ZNF609: variants seen among roughly 807,000 people sequenced by gnomAD.
ZNF609 encodes the protein zinc finger protein 609.
A neutral mutation model predicts 109.5 loss-of-function variants in ZNF609; 11 were observed. That is an observed-to-expected ratio of 0.10 (90% CI 0.06 to 0.17). ZNF609 has a LOEUF of 0.17. Ranked by LOEUF, ZNF609 falls within the 10% of genes least tolerant of loss-of-function variation. The probability of loss-of-function intolerance (pLI) is 1.00; values close to 1 mark genes in which losing one functional copy is unlikely to be tolerated. For missense variants in ZNF609, 1,559 were observed against 1,772.4 expected (o/e 0.88, Z 2.16); for synonymous variants, 646 against 662.0 (o/e 0.98, Z 0.37).
At chr15:64,605,878 C>T (rs1358619333) in intron 2 of ZNF609, among the ~76,000 whole-genome samples, 11 of 142,236 alleles carry the variant, frequency 7.7e-5, no homozygotes, top group Non-Finnish European at 1.2e-4. Context: ...GGATTACAGG[C>T]GCCTGCCACC....
chr15:64,648,736 A>C (rs12595288), intron 3 of ZNF609, among the ~76,000 whole-genome samples: 1 of 136,714 alleles, frequency 7.3e-6, no homozygotes, highest in Non-Finnish European at 1.5e-5. Flanking sequence ...TCTGACCACC[A>C]CCACATACCA....
chr15:64,621,533 T>C (rs915478896), intron 2 of ZNF609, among the ~76,000 whole-genome samples: 7 of 152,066 alleles, frequency 4.6e-5, no homozygotes, highest in African/African-American at 7.2e-5. Context: ...TATTTTTGTT[T>C]TTTATAGAGG....
At chr15:64,486,155 TATATA>T in intron 1 of ZNF609, among the ~76,000 whole-genome samples, 1 of 152,184 alleles carries the variant, frequency 6.6e-6, no homozygotes, top group Non-Finnish European at 1.5e-5. Context: ...ATTGGTACAT[TATATA>T]ATAACCTGTT....
chr15:64,678,364 A>G lies in ZNF609; in HGVS notation c.3651A>G (p.Pro1217=). The change falls in exon 6 of 10, where the codon CCA becomes CCG. Residue 1217 remains proline, a synonymous_variant. Transcript: ENST00000326648. ...RPSVHVPVSS[P]LTQHQSYIPY... is the part of the protein sequence containing the mutation. ...GTGTCCATGTGCCTGTGTCCTCCCC[A>G]CTTACCCAGCACCAGTCCTACATCC... 6.2e-7 allele frequency: 1 copy of G among 1,614,018 alleles called. No homozygotes were observed. The highest frequency in any genetic ancestry group is 8.5e-7 in the Non-Finnish European group (1 of 1,179,984).
chr15:64,543,862 A>G (rs564376320), intron 2 of ZNF609, among the ~76,000 whole-genome samples: 90 of 152,344 alleles, frequency 5.9e-4, no homozygotes, highest in Middle Eastern at 3.4e-3. Flanking sequence ...TTATCACACC[A>G]TACAATATGA....
chr15:64,563,755 C>G (rs1396382436), intron 2 of ZNF609, among the ~76,000 whole-genome samples: 11 of 151,710 alleles, frequency 7.3e-5, no homozygotes, highest in Admixed American at 7.2e-4. Flanking sequence ...GCCTGGGCAA[C>G]GAGAGCGAAA....
chr15:64,619,293 C>T (rs1178536108), intron 2 of ZNF609, among the ~76,000 whole-genome samples: 1 of 152,216 alleles, frequency 6.6e-6, no homozygotes, highest in African/African-American at 2.4e-5. Context: ...AGCCATTGCA[C>T]CCAGCCCCCT....
intron 3 of ZNF609, among the ~76,000 whole-genome samples, chr15:64,637,111 A>G (rs1027468316): frequency 6.6e-6 from 1 of 152,154 alleles, no homozygotes; most frequent in African/African-American, 2.4e-5. Context: ...TTAATACCAT[A>G]GATTAGTGTT....
chr15:64,515,071 TCTTC>T (rs1217631644), intron 2 of ZNF609, among the ~76,000 whole-genome samples: 6 of 152,214 alleles, frequency 3.9e-5, no homozygotes, highest in Middle Eastern at 3.2e-3. Flanking sequence ...TAGGAAGGGC[TCTTC>T]CTTCCTTCTC....
At chr15:64,617,473 A>G (rs1004487348) in intron 2 of ZNF609, among the ~76,000 whole-genome samples, 4 of 151,964 alleles carry the variant, frequency 2.6e-5, no homozygotes, top group African/African-American at 9.7e-5. Context: ...CCTGGACGAC[A>G]GAGCGAGACC....
At chr15:64,644,415 G>T (rs1356174122) in intron 3 of ZNF609, among the ~76,000 whole-genome samples, 1 of 152,192 alleles carries the variant, frequency 6.6e-6, no homozygotes, top group Non-Finnish European at 1.5e-5. Context: ...TTGAGCCAAG[G>T]AGTGTGAGGT....
rs767735310 is a variant in ZNF609, at chr15:64,622,985, C to T, written c.906C>T (p.Cys302=). The T allele has an allele frequency of 3.7e-6, 6 of 1,614,102 alleles. No homozygotes were observed. Among genetic ancestry groups the T allele is most frequent in the East Asian group, 2.2e-5 (1 of 44,898 alleles). ...CDVALATEPE[C]LGPCEPGTSV... is the part of the protein sequence containing the mutation. ...TGGCTCTGGCCACAGAGCCTGAGTG[C>T]TTGGGCCCCTGTGAACCTGGAACTA... The change falls in exon 3 of 10, where the codon TGC becomes TGT. Residue 302 remains cysteine, a synonymous_variant. Coordinates refer to ENST00000326648, the MANE Select transcript of ZNF609 (RefSeq NM_015042.2).
rs1307032369 is a variant in ZNF609 at position 64,674,791 on chromosome 15, A to T, written c.1937A>T (p.Glu646Val). The T allele has an allele frequency of 3.1e-6, 5 of 1,613,958 alleles. No individual in the cohort carries two copies. The African/African-American group carries it at 5.3e-5, about 17-fold the overall frequency. Residue 646 changes from glutamate to valine, a missense_variant, in exon 5 of 10, where the codon GAA becomes GTA. Glu to Val is a moderately radical substitution (Grantham distance 121, BLOSUM62 -2). Around this residue, in one of 4 missense-constraint regions of ZNF609, gnomAD observed 1,204 missense variants for 1,314.1 expected, o/e 0.92. Transcript: ENST00000326648. ...AAAAAACCCTCTAGTTTAAAACCTG[A>T]AAAGATTCCTTCCAAGAGCCTAAAG... Reference protein sequence around the residue: ...KCKKPSSLKPEKIPSKSLKSA... With the variant: ...KCKKPSSLKPVKIPSKSLKSA...
At chr15:64,538,841 G>A (rs1010671596) in intron 2 of ZNF609, among the ~76,000 whole-genome samples, 36 of 151,998 alleles carry the variant, frequency 2.4e-4, no homozygotes, top group Non-Finnish European at 4.0e-4. Context: ...CACTGTGCTG[G>A]ACTGGTTTTA....
At chr15:64,467,357 C>T (rs1306540989) in intron 1 of ZNF609, among the ~76,000 whole-genome samples, 1 of 152,180 alleles carries the variant, frequency 6.6e-6, no homozygotes, top group Admixed American at 6.5e-5. Flanking sequence ...ATCTCTACCC[C>T]TTCTTCAGTC....
chr15:64,504,863 C>T (rs1192224198), intron 2 of ZNF609, among the ~76,000 whole-genome samples: 1 of 151,878 alleles, frequency 6.6e-6, no homozygotes, highest in East Asian at 1.9e-4. Context: ...TCTGCCTTGG[C>T]CTCACTTATG....
chr15:64,673,474 A>G (rs758184043), intron 4 of ZNF609, among the ~76,000 whole-genome samples: 12 of 152,182 alleles, frequency 7.9e-5, no homozygotes, highest in Non-Finnish European at 1.3e-4. Context: ...GCTTTGTTCT[A>G]CCTTTCTATA....
chr15:64,630,434 C>T (rs1896052919), intron 3 of ZNF609, among the ~76,000 whole-genome samples: 1 of 152,098 alleles, frequency 6.6e-6, no homozygotes, highest in Non-Finnish European at 1.5e-5. Context: ...CACTCTTCAT[C>T]TCTGTATAAT....
chr15:64,623,117 C>G (rs948702299), intron 3 of ZNF609, 65 bp downstream of exon 3: 54 of 1,498,662 alleles, frequency 3.6e-5, no homozygotes, highest in Non-Finnish European at 5.0e-5. Context: ...CCACCAGGGA[C>G]TTATTGTTGT....
Sources: allele counts gnomAD v4.1 joint callset (sites outside exome capture counted in the v4.1 genomes callset), GRCh38; gene constraint gnomAD v4.1.1; regional missense constraint gnomAD v4.1.1; transcripts MANE v1.5; gene names NCBI Gene and HGNC (gene_info 2026-07-23, HGNC 2026-07-21).